Variants in LIN7C observed in about 807,000 individuals in gnomAD.
The protein encoded by LIN7C is protein lin-7 homolog C.
A neutral mutation model predicts 24.7 loss-of-function variants in LIN7C; 17 were observed. The ratio of observed to expected loss-of-function variants is 0.69; its 90% confidence interval spans 0.47 to 1.03. The LOEUF is 1.03. Among genes scored for constraint, LIN7C ranks in the 50% least tolerant of loss-of-function variants. LIN7C has a pLI of 0.00. For synonymous variants in LIN7C, 90 were observed against 83.4 expected (o/e 1.08, Z -0.43); for missense variants, 204 against 239.0 (o/e 0.85, Z 0.97).
In LIN7C at chr11:27,497,065, A is replaced by C. The variant is rs534862016; in HGVS notation, c.*1584T>G. 1 of 152,688 alleles carries C rather than the reference A, an allele frequency of 6.5e-6. No individual in the cohort carries two copies. Among genetic ancestry groups the C allele is most frequent in the South Asian group, 2.1e-4 (1 of 4,820 alleles). The allele number at this position is 152,688 out of a possible 1,614,324, so 9.5% of individuals were successfully genotyped here. Reference sequence around the variant, plus strand: ...ACATGATCCTATCAATAACAAGCACATTTTGTAGTGGATTAAAGACACATT... The same window carrying C: ...ACATGATCCTATCAATAACAAGCACCTTTTGTAGTGGATTAAAGACACATT... On this transcript the variant is annotated 3_prime_UTR_variant, in exon 5 of 5. Coordinates refer to ENST00000278193, the MANE Select transcript of LIN7C (RefSeq NM_018362.4).
rs1327782324 is a variant in LIN7C, at chr11:27,496,314, TAATTTATATTTGTAATTTACA to T, written c.*2314_*2334del. 6.6e-6 allele frequency: 1 copy of T among 152,178 alleles called. No individual in the cohort carries two copies. Among genetic ancestry groups the T allele is most frequent in the African/African-American group, 2.4e-5 (1 of 41,442 alleles). 9.4% of individuals were successfully genotyped at this position (152,178 alleles called of 1,614,324 possible). On this transcript the variant is annotated 3_prime_UTR_variant, in exon 5 of 5. Coordinates refer to ENST00000278193, the MANE Select transcript of LIN7C (RefSeq NM_018362.4). ...AGAAAATAAATGGAAATGGGGGTGA[TAATTTATATTTGTAATTTACA>T]AATCAAACATCTATCATACACTTAC...
rs1168395678 is a variant in LIN7C, at chr11:27,498,722, G to A, written c.521C>T (p.Thr174Ile). The change falls in exon 5 of 5, where the codon ACA becomes ATA. Residue 174 changes from threonine (T) to isoleucine (I), a missense_variant. By Grantham distance (89) the Thr-to-Ile change is moderately conservative. Coordinates refer to ENST00000278193, the MANE Select transcript of LIN7C (RefSeq NM_018362.4). ...CTCCATTTCTTCTAAGACTTTGGGT[G>A]TGTATCGTACCACTAATTTAACCTT... is the stretch of plus-strand genomic sequence containing the variant. ...QGKVKLVVRYTPKVLEEMESR... is the reference protein window; with the variant it reads ...QGKVKLVVRYIPKVLEEMESR... 1.1e-5 allele frequency: 17 copies of A among 1,613,870 alleles called. No homozygotes were observed. Among genetic ancestry groups the A allele is most frequent in the Non-Finnish European group, 1.4e-5 (16 of 1,179,948 alleles).
chr11:27,499,720 T>TCACGCCATTCTCCTGCCTC (rs1865204132), intron 3 of LIN7C, 152 bp from the exon 4 acceptor site: 8 of 671,750 alleles, frequency 1.2e-5, no homozygotes, highest in Non-Finnish European at 2.0e-5. Context: ...CCTCCTGGCT[T>TCACGCCATTCTCCTGCCTC]CACGCCATTC....
chr11:27,504,542 T>C (rs16917066), intron 1 of LIN7C, among the ~76,000 whole-genome samples: 86 of 152,324 alleles, frequency 5.6e-4, no homozygotes, highest in African/African-American at 1.9e-3. Context: ...TCAGAGGTGA[T>C]GTAATCTGAC....
chr11:27,497,113 A>G lies in LIN7C; in HGVS notation c.*1536T>C, dbSNP rs2133485748. The stretch of plus-strand genomic sequence containing the variant: ...ATTCAACCATGCAATCCAGTGTTCA[A>G]TACCTTAATGATAAATAACAATGCT... On this transcript the variant is annotated 3_prime_UTR_variant, in exon 5 of 5. Coordinates refer to ENST00000278193, the MANE Select transcript of LIN7C (RefSeq NM_018362.4). 6.5e-6 allele frequency: 1 copy of G among 152,734 alleles called. No homozygotes were observed. The highest frequency in any genetic ancestry group is 2.4e-5 in the African/African-American group (1 of 41,590). 9.5% of individuals were successfully genotyped at this position (152,734 alleles called of 1,614,324 possible).
In LIN7C at chr11:27,497,026, T is replaced by C. The variant is rs1174016297; in HGVS notation, c.*1623A>G. 1 of 152,684 alleles carries C rather than the reference T, an allele frequency of 6.5e-6. No individual in the cohort carries two copies. The highest frequency in any genetic ancestry group is 1.9e-4 in the East Asian group (1 of 5,182). 9.5% of individuals were successfully genotyped at this position (152,684 alleles called of 1,614,324 possible). ...TTAAAACATCAATTAATTTTGAAAA[T>C]TTACAATTTAACAACATGATCCTAT... On this transcript the variant is annotated 3_prime_UTR_variant, in exon 5 of 5. Transcript: ENST00000278193.
rs1653372138 is a variant in LIN7C, at chr11:27,495,969, T to C, written c.*2680A>G. ...GAGACAAAGCAAGATCCTGTCTCTT[T>C]TAAAACAAAAAACAAACAAACCAAA... On this transcript the variant is annotated 3_prime_UTR_variant, in exon 5 of 5. Coordinates refer to ENST00000278193, the MANE Select transcript of LIN7C (RefSeq NM_018362.4). 1 of 148,502 alleles carries C rather than the reference T, an allele frequency of 6.7e-6. No homozygotes were observed. Among genetic ancestry groups the C allele is most frequent in the Non-Finnish European group, 1.5e-5 (1 of 67,054 alleles). The allele number at this position is 148,502 out of a possible 1,614,324, so 9.2% of individuals were successfully genotyped here. A position where few individuals can be genotyped will look rare whatever the true frequency, so the allele number is the denominator to read the frequency against.
At position 27,495,317 on chromosome 11, in the gene LIN7C, A is replaced by C. The variant is rs1865153442; in HGVS notation, c.*3332T>G. 6.6e-6 allele frequency: 1 copy of C among 152,228 alleles called. No homozygotes were observed. The highest frequency in any genetic ancestry group is 1.5e-5 in the Non-Finnish European group (1 of 68,170). The allele number at this position is 152,228 out of a possible 1,614,324, so 9.4% of individuals were successfully genotyped here. A position where few individuals can be genotyped will look rare whatever the true frequency, so the allele number is the denominator to read the frequency against. On this transcript the variant is annotated 3_prime_UTR_variant, in exon 5 of 5. Coordinates refer to ENST00000278193, the MANE Select transcript of LIN7C (RefSeq NM_018362.4). ...CCCGTCTCTACTAAAAATACAAAAA[A>C]ATTAGCCGGGAGAGGTGGCACACGC...
rs1235287613 is a variant in LIN7C, at chr11:27,496,686, A to G, written c.*1963T>C. ...AAAAAAATAGCTTACTCAACTTACT[A>G]AAAGTTTCAACACCAAAAAAGATTT... On this transcript the variant is annotated 3_prime_UTR_variant, in exon 5 of 5. Coordinates refer to ENST00000278193, the MANE Select transcript of LIN7C (RefSeq NM_018362.4). 1.3e-5 allele frequency: 2 copies of G among 152,178 alleles called. No homozygotes were observed. The highest frequency in any genetic ancestry group is 6.5e-5 in the Admixed American group (1 of 15,284). The allele number at this position is 152,178 out of a possible 1,614,324, so 9.4% of individuals were successfully genotyped here.
At chr11:27,506,523 C>T (rs1865301686) in intron 1 of LIN7C, among the ~76,000 whole-genome samples, 193 bp downstream of exon 1, 2 of 152,178 alleles carry the variant, frequency 1.3e-5, no homozygotes, top group African/African-American at 4.8e-5. Flanking sequence ...CAGAGGAGGG[C>T]TTACGGTTAA....
intron 1 of LIN7C, among the ~76,000 whole-genome samples, chr11:27,502,826 T>C (rs971414471): frequency 6.6e-6 from 1 of 152,142 alleles, no homozygotes; most frequent in Non-Finnish European, 1.5e-5. Context: ...TCATAAGAAA[T>C]ATTGGCTGGG....
rs1443388880 is a variant in LIN7C at position 27,495,662 on chromosome 11, G to C, written c.*2987C>G. ...TCTCAAATAACAAACACGTATTTTTGTAAGTTTTAAAGGCAAAGGGGGCAG... is the reference window on the plus strand; with the variant it reads ...TCTCAAATAACAAACACGTATTTTTCTAAGTTTTAAAGGCAAAGGGGGCAG... On this transcript the variant is annotated 3_prime_UTR_variant, in exon 5 of 5. Coordinates refer to ENST00000278193, the MANE Select transcript of LIN7C (RefSeq NM_018362.4). The C allele has an allele frequency of 6.6e-6, 1 of 151,252 alleles. No homozygotes were observed. Among genetic ancestry groups the C allele is most frequent in the South Asian group, 2.1e-4 (1 of 4,782 alleles). The allele number at this position is 151,252 out of a possible 1,614,324, so 9.4% of individuals were successfully genotyped here.
At chr11:27,500,079 AT>A (rs1409202322) in intron 3 of LIN7C, among the ~76,000 whole-genome samples, 5 of 152,048 alleles carry the variant, frequency 3.3e-5, no homozygotes, top group African/African-American at 1.2e-4. Context: ...AAATGTTACG[AT>A]TTTTTGTTAT....
chr11:27,498,674 G>C lies in LIN7C; in HGVS notation c.569C>G (p.Ser190Ter). ...EMESRFEKMR[S>*]AKRRQQT ...TTAGGTCTGTTGCCTGCGTTTTGCT[G>C]ATCTCATTTTTTCAAAGCGCGACTC... is the stretch of plus-strand genomic sequence containing the variant. Residue 190 changes from serine (S) to a stop codon, truncating the protein, a stop_gained, in exon 5 of 5, where the codon TCA becomes TGA. Coordinates refer to ENST00000278193, the MANE Select transcript of LIN7C (RefSeq NM_018362.4). LOFTEE classifies it high-confidence loss of function. 6.2e-7 allele frequency: 1 copy of C among 1,613,970 alleles called. No homozygotes were observed. Among genetic ancestry groups the C allele is most frequent in the Admixed American group, 1.7e-5 (1 of 60,004 alleles).
chr11:27,498,692 C>T lies in LIN7C; in HGVS notation c.551G>A (p.Arg184His), dbSNP rs1298453106. 4 of 1,613,790 alleles carry T rather than the reference C, an allele frequency of 2.5e-6. No homozygotes were observed. Among genetic ancestry groups the T allele is most frequent in the South Asian group, 1.1e-5 (1 of 91,056 alleles). Residue 184 changes from arginine (R) to histidine (H), a missense_variant, in exon 5 of 5, where the codon CGC (arginine) becomes CAC (histidine). By Grantham distance (29) the Arg-to-His change is conservative (BLOSUM62 0). Around this residue, in one of 3 missense-constraint regions of LIN7C, gnomAD observed 74 missense variants for 99.6 expected, o/e 0.74. Coordinates refer to ENST00000278193, the MANE Select transcript of LIN7C (RefSeq NM_018362.4). Reference protein sequence around the residue: ...TPKVLEEMESRFEKMRSAKRR... With the variant: ...TPKVLEEMESHFEKMRSAKRR... ...TTTTGCTGATCTCATTTTTTCAAAG[C>T]GCGACTCCATTTCTTCTAAGACTTT...
In LIN7C at chr11:27,496,696, A is replaced by G. The variant is rs1865173919; in HGVS notation, c.*1953T>C. On this transcript the variant is annotated 3_prime_UTR_variant, in exon 5 of 5. Coordinates refer to ENST00000278193, the MANE Select transcript of LIN7C (RefSeq NM_018362.4). ...CTTACTCAACTTACTAAAAGTTTCAACACCAAAAAAGATTTAACTTGGCTG... is the reference window on the plus strand; with the variant it reads ...CTTACTCAACTTACTAAAAGTTTCAGCACCAAAAAAGATTTAACTTGGCTG... The G allele has an allele frequency of 6.6e-6, 1 of 152,182 alleles. No homozygotes were observed. Among genetic ancestry groups the G allele is most frequent in the Non-Finnish European group, 1.5e-5 (1 of 68,010 alleles). The allele number at this position is 152,182 out of a possible 1,614,324, so 9.4% of individuals were successfully genotyped here.
rs140841859 is a variant in LIN7C at position 27,498,727 on chromosome 11, T to G, written c.516A>C (p.Arg172=). 3.2e-3 allele frequency: 5,110 copies of G among 1,614,090 alleles called. 10 individuals are homozygous for G. The highest frequency in any genetic ancestry group is 4.2e-3 in the Admixed American group (254 of 60,014). ...TTTCTTCTAAGACTTTGGGTGTGTA[T>G]CGTACCACTAATTTAACCTTTCCTT... is the stretch of plus-strand genomic sequence containing the variant. ...AAQGKVKLVV[R]YTPKVLEEME... The change falls in exon 5 of 5, where the codon CGA becomes CGC. Residue 172 remains arginine, a synonymous_variant. Transcript: ENST00000278193.
At position 27,501,482 on chromosome 11, in the gene LIN7C, C is replaced by A; in HGVS notation, c.228+13G>T. 6.4e-7 allele frequency: 1 copy of A among 1,563,418 alleles called. No homozygotes were observed. Among genetic ancestry groups the A allele is most frequent in the Non-Finnish European group, 8.7e-7 (1 of 1,151,084 alleles). The stretch of plus-strand genomic sequence containing the variant: ...ATGAAGAATTCTTACTTTTGGAAAA[C>A]AAAAAAATTTACCTTTGCAGTAGCG... On this transcript the variant is annotated intron_variant, in intron 3 of 4. Coordinates refer to ENST00000278193, the MANE Select transcript of LIN7C (RefSeq NM_018362.4).
At chr11:27,500,240 C>A (rs1042418671) in intron 3 of LIN7C, among the ~76,000 whole-genome samples, 2 of 152,130 alleles carry the variant, frequency 1.3e-5, no homozygotes, top group African/African-American at 4.8e-5. Flanking sequence ...CAGCCCTGGG[C>A]TTTAGATCTG....
Sources: gnomAD v4.1 joint callset for allele counts (sites outside exome capture counted in the v4.1 genomes callset) on GRCh38, gnomAD v4.1.1 for gene constraint, gnomAD v4.1.1 regional missense constraint, MANE v1.5 for transcripts, NCBI Gene and HGNC (gene_info 2026-07-23, HGNC 2026-07-21) for gene names.